BRDT: variants seen among roughly 807,000 people sequenced by gnomAD.
The protein encoded by BRDT is bromodomain testis associated, also known as bromodomain testis-specific protein.
BRDT carries 77 observed loss-of-function variants against 113.9 expected under a neutral mutation model. That is an observed-to-expected ratio of 0.68 (90% CI 0.56 to 0.82). The LOEUF (loss-of-function observed/expected upper bound fraction) is 0.82. Among genes scored for constraint, BRDT ranks in the 40% least tolerant of loss-of-function variants. The pLI is 0.00. For missense variants in BRDT, 1,027 were observed against 1,105.4 expected (o/e 0.93, Z 1.01); for synonymous variants, 358 against 366.5 (o/e 0.98, Z 0.26).
chr1:91,964,698 T>C lies in BRDT; in HGVS notation c.264T>C (p.Tyr88=), dbSNP rs201884662. The C allele has an allele frequency of 2.6e-6, 4 of 1,525,366 alleles. No homozygotes were observed. The highest frequency in any genetic ancestry group is 1.4e-5 in the African/African-American group (1 of 73,286). The allele number at this position is 1,525,366 out of a possible 1,614,324, so 94.5% of individuals were successfully genotyped here. ...TIKKRLENKY[Y]AKASECIEDF... The stretch of plus-strand genomic sequence containing the variant: ...AGAAGCGCTTGGAGAATAAATATTA[T>C]GCGAAGGCTTCAGAATGTATAGAAG... Residue 88 remains tyrosine (Y), a synonymous_variant, in exon 3 of 19, where the codon TAT becomes TAC. Coordinates refer to ENST00000399546, the MANE Select transcript of BRDT (RefSeq NM_207189.4).
chr1:91,969,833 T>G (rs891512005), intron 4 of BRDT, among the ~76,000 whole-genome samples: 9 of 145,956 alleles, frequency 6.2e-5, no homozygotes, highest in African/African-American at 1.0e-4. Flanking sequence ...GTTTTTTTTT[T>G]TTTTTTTTTT....
rs749613345 is a variant in BRDT, at chr1:91,981,686, A to G, written c.1933A>G (p.Ser645Gly). The change falls in exon 12 of 19, where the codon AGC becomes GGC. Residue 645 changes from serine (S) to glycine (G), a missense_variant. Physicochemically the swap from Ser to Gly is moderately conservative, Grantham distance 56 (BLOSUM62 0). Transcript: ENST00000399546. ...ACTGAGTGAGAGCAGCAGCAGCAGCAGCAGCTCATCAGAGTCTGAAAGTAG... is the reference window on the plus strand; with the variant it reads ...ACTGAGTGAGAGCAGCAGCAGCAGCGGCAGCTCATCAGAGTCTGAAAGTAG... ...SRLSESSSSS[S>G]SSSESESSSS... 2.5e-6 allele frequency: 4 copies of G among 1,614,114 alleles called. No individual in the cohort carries two copies. Among genetic ancestry groups the G allele is most frequent in the Non-Finnish European group, 2.5e-6 (3 of 1,180,038 alleles).
rs997413191 is a variant in BRDT at position 91,949,444 on chromosome 1, T to A, written c.-276T>A. Reference sequence around the variant, plus strand: ...GAGGAACTGCGGAGAACTGTTGCCCTGCACCGCTTCATTTTGTGCAGCCTG... The same window carrying A: ...GAGGAACTGCGGAGAACTGTTGCCCAGCACCGCTTCATTTTGTGCAGCCTG... On this transcript the variant is annotated 5_prime_UTR_variant, in exon 1 of 19. Transcript: ENST00000399546. 6.6e-6 allele frequency: 1 copy of A among 152,256 alleles called. No homozygotes were observed. Among genetic ancestry groups the A allele is most frequent in the African/African-American group, 2.4e-5 (1 of 41,470 alleles). 9.4% of individuals were successfully genotyped at this position (152,256 alleles called of 1,614,324 possible).
chr1:92,012,634 G>C (rs1687894216), intron 18 of BRDT, among the ~76,000 whole-genome samples: 1 of 152,188 alleles, frequency 6.6e-6, no homozygotes, highest in Admixed American at 6.5e-5. Context: ...TCTGGGGCCG[G>C]GTGCAATGGC....
At chr1:91,950,716 A>G (rs1327741452) in intron 1 of BRDT, 1 of 123,300 alleles carries the variant, frequency 8.1e-6, no homozygotes, top group African/African-American at 3.1e-5. Context: ...TTTAATACAG[A>G]TAGCTGCTAT....
Position 91,962,759 on chromosome 1 carries a change from C to A in BRDT, c.5C>A (p.Ser2Tyr), listed in dbSNP as rs55806733. The A allele has an allele frequency of 1.3e-6, 2 of 1,583,926 alleles. No individual in the cohort carries two copies. The highest frequency in any genetic ancestry group is 8.6e-7 in the Non-Finnish European group (1 of 1,168,020). The change falls in exon 2 of 19, where the codon TCT becomes TAT. Residue 2 changes from serine (S) to tyrosine (Y), a missense_variant. Physicochemically the swap from Ser to Tyr is moderately radical, Grantham distance 144. Coordinates refer to ENST00000399546, the MANE Select transcript of BRDT (RefSeq NM_207189.4). M[S>Y]LPSRQTAIIV... Reference sequence around the variant, plus strand: ...CAGGATTCAAAGCAGTTAAGAATGTCTCTGCCAAGTCGACAAACAGCTATT... The same window carrying A: ...CAGGATTCAAAGCAGTTAAGAATGTATCTGCCAAGTCGACAAACAGCTATT...
chr1:91,977,195 T>C lies in BRDT; in HGVS notation c.771T>C (p.Ser257=). The C allele has an allele frequency of 2.5e-6, 4 of 1,614,086 alleles. 1 individual carries two copies. The South Asian group carries it at 4.4e-5, about 18-fold the overall frequency. Residue 257 remains serine, a synonymous_variant, in exon 6 of 19, where the codon TCT becomes TCC. Coordinates refer to ENST00000399546, the MANE Select transcript of BRDT (RefSeq NM_207189.4). ...TGCCAAAGAATGTTTTGCCAGATTC[T>C]CAGCAACAATATAATGTTGTGAAGA... ...ENMPKNVLPD[S]QQQYNVVKTV...
chr1:92,003,483 C>T (rs1409790193), intron 16 of BRDT, among the ~76,000 whole-genome samples: 4 of 152,066 alleles, frequency 2.6e-5, no homozygotes, highest in African/African-American at 4.8e-5. Context: ...ATATGGTAGC[C>T]TCTGGTCACA....
chr1:91,986,847 A>G (rs956430107), intron 12 of BRDT, among the ~76,000 whole-genome samples: 4 of 152,198 alleles, frequency 2.6e-5, no homozygotes, highest in Non-Finnish European at 4.4e-5. Flanking sequence ...CAGGAAGTAT[A>G]CAAGGAAAGC....
intron 1 of BRDT, among the ~76,000 whole-genome samples, chr1:91,960,620 C>CA (rs918525018): frequency 1.3e-5 from 2 of 152,012 alleles, no homozygotes; most frequent in Admixed American, 1.3e-4. Flanking sequence ...ATTGGTTTCA[C>CA]AAAAAACATG....
chr1:91,957,365 C>T (rs1449895918), intron 1 of BRDT, among the ~76,000 whole-genome samples: 1 of 151,904 alleles, frequency 6.6e-6, no homozygotes, highest in Non-Finnish European at 1.5e-5. Context: ...TGGTGGCGGG[C>T]GCCTGTAGTC....
intron 16 of BRDT, among the ~76,000 whole-genome samples, chr1:92,002,761 T>C (rs2101800772): frequency 6.6e-6 from 1 of 152,350 alleles, no homozygotes; most frequent in South Asian, 2.1e-4. Flanking sequence ...TTAGAATCTA[T>C]TCTAGGGATA....
intron 15 of BRDT, among the ~76,000 whole-genome samples, chr1:91,996,399 C>T (rs1209500588): frequency 6.6e-6 from 1 of 152,174 alleles, no homozygotes; most frequent in African/African-American, 2.4e-5. Context: ...CAGGCATGCA[C>T]CACCATATGC....
intron 12 of BRDT, among the ~76,000 whole-genome samples, chr1:91,989,935 G>A (rs935881680): frequency 2.0e-5 from 3 of 152,334 alleles, no homozygotes; most frequent in Admixed American, 6.5e-5. Context: ...CTTTTCAGAA[G>A]GCAGAAGGTA....
At chr1:91,973,949 T>C (rs1288019026) in intron 4 of BRDT, among the ~76,000 whole-genome samples, 2 of 152,078 alleles carry the variant, frequency 1.3e-5, no homozygotes, top group African/African-American at 2.4e-5. Context: ...TACAGACCAA[T>C]GGAACAGAAC....
intron 18 of BRDT, among the ~76,000 whole-genome samples, chr1:92,010,883 TTG>T (rs574590308): frequency 5.1e-4 from 77 of 152,312 alleles, no homozygotes; most frequent in Non-Finnish European, 7.9e-4. Flanking sequence ...AGTCTCTTCT[TTG>T]TGAATAGTGT....
chr1:91,984,188 G>A (rs1241129567), intron 12 of BRDT, among the ~76,000 whole-genome samples: 1 of 152,172 alleles, frequency 6.6e-6, no homozygotes, highest in Non-Finnish European at 1.5e-5. Flanking sequence ...AATACTAAAT[G>A]AAGTAATTGG....
intron 2 of BRDT, 71 bp from the exon 3 acceptor site, chr1:91,964,556 A>C: frequency 2.0e-6 from 2 of 1,009,706 alleles, no homozygotes; most frequent in African/African-American, 1.6e-5. Context: ...TAGTGCATTA[A>C]ATTTCTTTGT....
At chr1:91,975,943 C>G (rs939661614) in intron 4 of BRDT, among the ~76,000 whole-genome samples, 1 of 152,200 alleles carries the variant, frequency 6.6e-6, no homozygotes, top group Non-Finnish European at 1.5e-5. Flanking sequence ...TATGGTTGGT[C>G]TCCAGAGTAT....
Sources: gnomAD v4.1 joint callset for allele counts (sites outside exome capture counted in the v4.1 genomes callset) on GRCh38, gnomAD v4.1.1 for gene constraint, MANE v1.5 for transcripts, NCBI Gene and HGNC (gene_info 2026-07-23, HGNC 2026-07-21) for gene names.